Variants in DNAJB6 observed in about 807,000 individuals in gnomAD.
The protein encoded by DNAJB6 is DnaJ heat shock protein family (Hsp40) member B6, also known as dnaJ homolog subfamily B member 6.
In DNAJB6, 16 loss-of-function variants were observed where a neutral mutation model predicts 42.7. The ratio of observed to expected loss-of-function variants is 0.37; its 90% confidence interval spans 0.25 to 0.57. The LOEUF (loss-of-function observed/expected upper bound fraction) is 0.57, where lower values mean the gene tolerates loss of function less well. Among genes scored for constraint, DNAJB6 ranks in the 20% least tolerant of loss-of-function variants. The probability of loss-of-function intolerance (pLI) is 0.74; values close to 1 mark genes in which losing one functional copy is unlikely to be tolerated. For synonymous variants in DNAJB6, 170 were observed against 163.5 expected, an observed-to-expected ratio of 1.04 and a Z score of -0.30; for missense variants, 347 against 416.8, an observed-to-expected ratio of 0.83 and a Z score of 1.46.
intron 6 of DNAJB6, among the ~76,000 whole-genome samples, chr7:157,383,635 GT>G (rs1800902533): frequency 6.7e-6 from 1 of 149,934 alleles, no homozygotes; most frequent in Non-Finnish European, 1.5e-5. Context: ...GTGTGTGTGT[GT>G]GTGTGTGGTG....
chr7:157,344,683 C>A (rs1348397385), intron 1 of DNAJB6, among the ~76,000 whole-genome samples: 1 of 152,156 alleles, frequency 6.6e-6, no homozygotes, highest in Non-Finnish European at 1.5e-5. Flanking sequence ...GGTGCGTTCA[C>A]GTCTCACTAG....
chr7:157,338,480 C>T (rs892408722), intron 1 of DNAJB6, among the ~76,000 whole-genome samples: 4 of 152,132 alleles, frequency 2.6e-5, no homozygotes, highest in Admixed American at 2.0e-4. Context: ...GTTACGGGTG[C>T]TCGCCACCAT....
chr7:157,366,962 C>T (rs1799875940), intron 4 of DNAJB6, among the ~76,000 whole-genome samples: 3 of 152,210 alleles, frequency 2.0e-5, no homozygotes, highest in Admixed American at 2.0e-4. Context: ...ACCAGCCTCC[C>T]CAGGGGTGTT....
At chr7:157,343,975 T>C (rs1455468886) in intron 1 of DNAJB6, among the ~76,000 whole-genome samples, 1 of 152,196 alleles carries the variant, frequency 6.6e-6, no homozygotes, top group African/African-American at 2.4e-5. Flanking sequence ...ATTGAAAAGT[T>C]TTCTATGGCT....
intron 1 of DNAJB6, among the ~76,000 whole-genome samples, chr7:157,355,804 T>G (rs1230847194): frequency 1.3e-5 from 2 of 152,204 alleles, no homozygotes; most frequent in Admixed American, 1.3e-4. Context: ...GATGGAGTGC[T>G]GCATGAATAC....
chr7:157,394,752 ACACAT>A (rs1801503005), intron 8 of DNAJB6, among the ~76,000 whole-genome samples: 2 of 152,118 alleles, frequency 1.3e-5, no homozygotes, highest in African/African-American at 4.8e-5. Flanking sequence ...TGAAGAAGCA[ACACAT>A]CACAAGAGCA....
chr7:157,375,457 A>C (rs1800423745), intron 5 of DNAJB6, among the ~76,000 whole-genome samples: 1 of 152,124 alleles, frequency 6.6e-6, no homozygotes, highest in South Asian at 2.1e-4. Flanking sequence ...AGATTACTCT[A>C]ACCAGACCTG....
At chr7:157,409,422 CT>C (rs1795890911) in intron 8 of DNAJB6, among the ~76,000 whole-genome samples, 1 of 152,218 alleles carries the variant, frequency 6.6e-6, no homozygotes, top group African/African-American at 2.4e-5. Flanking sequence ...GACCCAGAAC[CT>C]TTCTTCCCCA....
intron 9 of DNAJB6, among the ~76,000 whole-genome samples, chr7:157,415,719 G>A (rs539836988): frequency 1.3e-5 from 2 of 151,964 alleles, no homozygotes; most frequent in African/African-American, 4.8e-5. Flanking sequence ...TAGCTCTGCC[G>A]CTGGGCAGAA....
chr7:157,350,712 T>G (rs1009988457), intron 1 of DNAJB6, among the ~76,000 whole-genome samples: 2 of 150,634 alleles, frequency 1.3e-5, no homozygotes, highest in Non-Finnish European at 3.0e-5. Flanking sequence ...TTTTTTGAGA[T>G]GGAGTCTTAC....
intron 5 of DNAJB6, chr7:157,381,639 C>G (rs1800778922): frequency 6.6e-6 from 1 of 152,080 alleles, no homozygotes; most frequent in Admixed American, 6.6e-5. Flanking sequence ...TTGATTTCAG[C>G]TAATCCTTAA....
rs779513290 is a variant in DNAJB6, at chr7:157,415,998, C to T, written c.899-18C>T. The T allele has an allele frequency of 1.2e-6, 2 of 1,614,110 alleles. No homozygotes were observed. Among genetic ancestry groups the T allele is most frequent in the South Asian group, 2.2e-5 (2 of 91,084 alleles). On this transcript the variant is annotated intron_variant, in intron 9 of 9. Transcript: ENST00000262177. ...CAGTGCTGTTCCGTACAGTGTTTTACAAGCCGTGTTTCCTTAGGATTGAAA... is the reference window on the plus strand; with the variant it reads ...CAGTGCTGTTCCGTACAGTGTTTTATAAGCCGTGTTTCCTTAGGATTGAAA...
intron 1 of DNAJB6, among the ~76,000 whole-genome samples, chr7:157,352,527 A>C (rs1358619920): frequency 6.6e-6 from 1 of 151,862 alleles, no homozygotes; most frequent in Admixed American, 6.6e-5. Flanking sequence ...TCCTTTGACT[A>C]TTCCTGCTGG....
At chr7:157,400,370 G>T (rs539308619) in intron 8 of DNAJB6, among the ~76,000 whole-genome samples, 2 of 152,402 alleles carry the variant, frequency 1.3e-5, no homozygotes, top group African/African-American at 4.8e-5. Context: ...GGACACGCTC[G>T]TGTGTGGTGT....
At chr7:157,337,647 C>T (rs1160254564) in intron 1 of DNAJB6, 3 of 152,274 alleles carry the variant, frequency 2.0e-5, no homozygotes, top group African/African-American at 7.2e-5. Flanking sequence ...CCGCAAAGCC[C>T]TGTTTCTAGA....
chr7:157,399,967 C>T (rs1446892010), intron 8 of DNAJB6, among the ~76,000 whole-genome samples: 1 of 152,126 alleles, frequency 6.6e-6, no homozygotes, highest in African/African-American at 2.4e-5. Context: ...CCGCACCCGG[C>T]CTGTATTTTG....
At chr7:157,350,513 T>G (rs1798914743) in intron 1 of DNAJB6, among the ~76,000 whole-genome samples, 1 of 152,050 alleles carries the variant, frequency 6.6e-6, no homozygotes, top group Non-Finnish European at 1.5e-5. Context: ...AGATAATGAG[T>G]TCCGGTCACT....
chr7:157,354,830 G>A (rs1291077157), intron 1 of DNAJB6, among the ~76,000 whole-genome samples: 1 of 152,164 alleles, frequency 6.6e-6, no homozygotes, highest in Non-Finnish European at 1.5e-5. Flanking sequence ...GTGTAGTGAC[G>A]TTGGCGAAGG....
chr7:157,337,542 C>T (rs977260815), intron 1 of DNAJB6: 2 of 152,236 alleles, frequency 1.3e-5, no homozygotes, highest in African/African-American at 2.4e-5. Flanking sequence ...AAGGCTCCCG[C>T]ACTCGCGTCT....
Sources: gnomAD v4.1 joint callset for allele counts (sites outside exome capture counted in the v4.1 genomes callset) on GRCh38, gnomAD v4.1.1 for gene constraint, MANE v1.5 for transcripts, NCBI Gene and HGNC (gene_info 2026-07-23, HGNC 2026-07-21) for gene names.